The following C8A variants were observed in gnomAD, a reference collection of about 807,000 sequenced individuals.
C8A encodes the protein complement component C8 alpha chain.
Under a neutral mutation model 65.3 loss-of-function variants are expected in C8A, and 67 were observed. The ratio of observed to expected loss-of-function variants is 1.03; its 90% CI spans 0.84 to 1.26. The LOEUF is 1.26. Among genes scored for constraint, C8A ranks in the 50% most tolerant of loss-of-function variants. The pLI, the probability that C8A is intolerant of heterozygous loss-of-function variation, is 0.00. For synonymous variants in C8A, 290 were observed against 259.4 expected (o/e 1.12, Z -1.13); for missense variants, 781 against 723.9 (o/e 1.08, Z -0.90).
At chr1:56,917,012 G>A (rs976389451) in intron 10 of C8A, among the ~76,000 whole-genome samples, 2 of 152,036 alleles carry the variant, frequency 1.3e-5, no homozygotes, top group Admixed American at 6.5e-5. Context: ...CCAGGAGGGC[G>A]GTGCTCCCCT....
intron 4 of C8A, among the ~76,000 whole-genome samples, chr1:56,878,172 T>A (rs706475): frequency 0.056 from 8,565 of 152,114 alleles, 744 homozygotes; most frequent in African/African-American, 0.19. Flanking sequence ...CCCCTTCCTG[T>A]AAGAACACCA....
rs199746178 is a variant in C8A, at chr1:56,876,078, C to T, written c.333C>T (p.Arg111=). The change falls in exon 4 of 11, where the codon CGC becomes CGT. Residue 111 remains arginine, a synonymous_variant. Transcript: ENST00000361249. The part of the protein sequence containing the change: ...QCKETGRCLK[R]HLVCNGDQDC... ...TCTCTCCAGGTCGCTGCCTGAAACG[C>T]CACCTTGTGTGTAATGGAGACCAGG... 2.9e-5 allele frequency: 47 copies of T among 1,613,696 alleles called. No homozygotes were observed. In the East Asian group the frequency reaches 9.8e-4, roughly 34 times the overall value.
intron 2 of C8A, among the ~76,000 whole-genome samples, chr1:56,874,198 G>C (rs1344909115): frequency 6.6e-6 from 1 of 152,164 alleles, no homozygotes; most frequent in Non-Finnish European, 1.5e-5. Flanking sequence ...TCCCCAGAGA[G>C]AACTTGATTG....
intron 8 of C8A, 61 bp downstream of exon 8, chr1:56,906,853 T>A (rs1644470504): frequency 2.5e-6 from 4 of 1,602,972 alleles, no homozygotes; most frequent in Non-Finnish European, 3.4e-6. Flanking sequence ...GGACACACAC[T>A]GGGACATGGA....
chr1:56,883,554 AC>A lies in C8A; in HGVS notation c.729del (p.Asp243GlufsTer8). 6.2e-7 allele frequency: 1 copy of A among 1,613,982 alleles called. No individual in the cohort carries two copies. Among genetic ancestry groups the A allele is most frequent in the Non-Finnish European group, 8.5e-7 (1 of 1,179,930 alleles). On this transcript the variant is annotated frameshift_variant, in exon 6 of 11. Transcript: ENST00000361249. LOFTEE classifies it high-confidence loss of function. The part of the protein sequence containing the change: ...ANDLLSKVKK[D>X]KSDSFGVTIG... Reference sequence around the variant, plus strand: ...GACCTTCTTTCCAAAGTTAAAAAAGACAAGTCTGACTCATTTGGAGTGACCA... The same window carrying A: ...GACCTTCTTTCCAAAGTTAAAAAAGAAAGTCTGACTCATTTGGAGTGACCA...
At chr1:56,915,430 G>T (rs914338660) in intron 10 of C8A, among the ~76,000 whole-genome samples, 1 of 152,136 alleles carries the variant, frequency 6.6e-6, no homozygotes, top group Non-Finnish European at 1.5e-5. Flanking sequence ...TGGGTGAATT[G>T]GGAGAGAAAA....
At chr1:56,884,207 A>G (rs1263736833) in intron 6 of C8A, among the ~76,000 whole-genome samples, 2 of 152,122 alleles carry the variant, frequency 1.3e-5, no homozygotes, top group African/African-American at 4.8e-5. Flanking sequence ...CAAATTGTCC[A>G]GACAAAGGGA....
chr1:56,868,036 A>G (rs1419183574), intron 2 of C8A, among the ~76,000 whole-genome samples: 1 of 152,134 alleles, frequency 6.6e-6, no homozygotes, highest in Non-Finnish European at 1.5e-5. Flanking sequence ...GTAATAGCTT[A>G]GAAACAAAAT....
intron 9 of C8A, among the ~76,000 whole-genome samples, chr1:56,910,099 C>G (rs1026823147): frequency 2.8e-4 from 43 of 152,204 alleles, no homozygotes; most frequent in African/African-American, 1.0e-3. Flanking sequence ...GACAAGGGGA[C>G]CAGGTAGGGG....
At position 56,854,799 on chromosome 1, in the gene C8A, A is replaced by G. The variant is rs1643956940; in HGVS notation, c.-103A>G. 1 of 922,240 alleles carries G rather than the reference A, an allele frequency of 1.1e-6. No individual in the cohort carries two copies. The highest frequency in any genetic ancestry group is 2.0e-5 in the Admixed American group (1 of 50,346). The allele number at this position is 922,240 out of a possible 1,614,324, so 57.1% of individuals were successfully genotyped here. ...TATCTGGGTGAGTTTCCAACATCAGATAGATCTTACAGGTCCCAGCCTGTA... is the reference window on the plus strand; with the variant it reads ...TATCTGGGTGAGTTTCCAACATCAGGTAGATCTTACAGGTCCCAGCCTGTA... On this transcript the variant is annotated 5_prime_UTR_variant, in exon 1 of 11. Coordinates refer to ENST00000361249, the MANE Select transcript of C8A (RefSeq NM_000562.3).
At chr1:56,885,326 T>TTAAATATATATTTACA in intron 6 of C8A, among the ~76,000 whole-genome samples, 1 of 132,742 alleles carries the variant, frequency 7.5e-6, no homozygotes, top group East Asian at 2.1e-4. Flanking sequence ...ATATATTTAT[T>TTAAATATATATTTACA]TAAATATATA....
At position 56,917,674 on chromosome 1, in the gene C8A, G is replaced by A. The variant is rs750211745; in HGVS notation, c.1713G>A (p.Gly571=). ...ACAATCCAGCACCTCAGAATGGAGG[G>A]GCCTCGTGTCCAGGGCGGAAAGTAC... The part of the protein sequence containing the change: ...ECDNPAPQNG[G]ASCPGRKVQT... Residue 571 remains glycine, a synonymous_variant, in exon 11 of 11, where the codon GGG becomes GGA. Coordinates refer to ENST00000361249, the MANE Select transcript of C8A (RefSeq NM_000562.3). 6.2e-7 allele frequency: 1 copy of A among 1,614,198 alleles called. No individual in the cohort carries two copies. Among genetic ancestry groups the A allele is most frequent in the Admixed American group, 1.7e-5 (1 of 60,032 alleles).
chr1:56,881,969 C>A (rs1644252269), intron 5 of C8A, among the ~76,000 whole-genome samples: 1 of 152,186 alleles, frequency 6.6e-6, no homozygotes, highest in Non-Finnish European at 1.5e-5. Context: ...AGCTAACTCA[C>A]TGCCCTCCTT....
intron 7 of C8A, among the ~76,000 whole-genome samples, chr1:56,902,696 A>G (rs990220959): frequency 6.6e-5 from 10 of 152,170 alleles, no homozygotes; most frequent in African/African-American, 1.7e-4. Context: ...CTTTGATTCT[A>G]TATATCTGAC....
intron 4 of C8A, among the ~76,000 whole-genome samples, chr1:56,880,426 C>T (rs535990949): frequency 6.6e-6 from 1 of 151,944 alleles, no homozygotes; most frequent in Non-Finnish European, 1.5e-5. Context: ...ATCACAAAAA[C>T]CATGAGAGGT....
Position 56,917,515 on chromosome 1 carries a change from C to T in C8A, c.1604-50C>T, listed in dbSNP as rs372527069. ...CTGTTCATCACCAGACAGGCCCTTC[C>T]TTCTTAGCCATATGCTAACCTTCTC... is the stretch of plus-strand genomic sequence containing the variant. On this transcript the variant is annotated intron_variant, in intron 10 of 10. Coordinates refer to ENST00000361249, the MANE Select transcript of C8A (RefSeq NM_000562.3). The T allele has an allele frequency of 8.1e-6, 13 of 1,606,698 alleles. No homozygotes were observed. In the East Asian group the frequency reaches 1.1e-4, roughly 14 times the overall value.
At chr1:56,878,935 C>T (rs948189431) in intron 4 of C8A, among the ~76,000 whole-genome samples, 1 of 152,192 alleles carries the variant, frequency 6.6e-6, no homozygotes, top group African/African-American at 2.4e-5. Flanking sequence ...GCAACTTTCA[C>T]TTTTATACTT....
At chr1:56,873,788 A>T (rs1269521349) in intron 2 of C8A, among the ~76,000 whole-genome samples, 1 of 152,138 alleles carries the variant, frequency 6.6e-6, no homozygotes, top group East Asian at 1.9e-4. Flanking sequence ...TGTGTTTGCT[A>T]TCTGCACTGC....
chr1:56,917,565 G>A lies in C8A; in HGVS notation c.1604G>A (p.Gly535Glu). The A allele has an allele frequency of 1.9e-6, 3 of 1,614,142 alleles. No homozygotes were observed. The highest frequency in any genetic ancestry group is 2.5e-6 in the Non-Finnish European group (3 of 1,180,014). Residue 535 changes from glycine (G) to glutamate (E), a missense_variant and splice_region_variant, in exon 11 of 11, where the codon GGA (glycine) becomes GAA (glutamate). By Grantham distance (98) the Gly-to-Glu change is moderately conservative (BLOSUM62 -2). Transcript: ENST00000361249. Reference protein sequence around the residue: ...GAACEQTQTEGAKADGSWSCW... With the variant: ...GAACEQTQTEEAKADGSWSCW... ...CCTCCCTGGGAAATTTCCTCTGCAG[G>A]AGCCAAAGCAGATGGGAGCTGGAGT...
Sources: allele counts gnomAD v4.1 joint callset (sites outside exome capture counted in the v4.1 genomes callset), GRCh38; gene constraint gnomAD v4.1.1; transcripts MANE v1.5; gene names NCBI Gene and HGNC (gene_info 2026-07-23, HGNC 2026-07-21).